The following CCDC171 variants were observed in gnomAD, a reference collection of about 807,000 sequenced individuals.
CCDC171 encodes the protein coiled-coil domain containing 171.
Under a neutral mutation model 168.2 loss-of-function variants are expected in CCDC171, and 177 were observed. That is an observed-to-expected ratio of 1.05 (90% CI 0.93 to 1.19). The LOEUF is 1.19. CCDC171 is among the 50% of genes most tolerant of loss of function. The probability of loss-of-function intolerance (pLI) is 0.00; values close to 1 mark genes in which losing one functional copy is unlikely to be tolerated. For missense variants in CCDC171, 1,991 were observed against 1,539.0 expected (o/e 1.29, Z -4.91); for synonymous variants, 687 against 540.8 (o/e 1.27, Z -3.75).
chr9:15,604,038 A>C (rs760590590), intron 6 of CCDC171, among the ~76,000 whole-genome samples: 1 of 147,886 alleles, frequency 6.8e-6, no homozygotes. Context: ...TGTTGGCTGC[A>C]TGTATGTCTT....
the CCDC171 span, among the ~76,000 whole-genome samples, chr9:16,078,725 C>T: frequency 6.6e-6 from 1 of 152,166 alleles, no homozygotes; most frequent in Admixed American, 6.5e-5. Context: ...AAAAGCTTCA[C>T]CTCTCCGTTC....
intron 18 of CCDC171, among the ~76,000 whole-genome samples, chr9:15,763,621 G>T: frequency 6.6e-6 from 1 of 152,128 alleles, no homozygotes; most frequent in East Asian, 1.9e-4. Flanking sequence ...TGGGAAAATG[G>T]CCAGACTTCT....
At chr9:15,595,369 A>G (rs935068079) in intron 6 of CCDC171, among the ~76,000 whole-genome samples, 4 of 152,080 alleles carry the variant, frequency 2.6e-5, no homozygotes, top group African/African-American at 4.8e-5. Context: ...TCACTGTTCA[A>G]TTCCCACCTA....
At chr9:15,670,673 G>T (rs993733444) in intron 9 of CCDC171, among the ~76,000 whole-genome samples, 2 of 151,806 alleles carry the variant, frequency 1.3e-5, no homozygotes, top group Non-Finnish European at 2.9e-5. Flanking sequence ...ATATTTTTGG[G>T]TTCAGCATAC....
the CCDC171 span, among the ~76,000 whole-genome samples, chr9:16,086,166 C>G: frequency 6.6e-6 from 1 of 152,110 alleles, no homozygotes; most frequent in Non-Finnish European, 1.5e-5. Flanking sequence ...CGACTTCTTC[C>G]TGGTTTAGTC....
intron 7 of CCDC171, among the ~76,000 whole-genome samples, chr9:15,631,493 A>G (rs1162902017): frequency 6.6e-6 from 1 of 152,240 alleles, no homozygotes; most frequent in Non-Finnish European, 1.5e-5. Flanking sequence ...CCTTCTGAAT[A>G]GACCAATAAC....
intron 6 of CCDC171, among the ~76,000 whole-genome samples, chr9:15,597,613 T>G (rs1313038806): frequency 6.6e-6 from 1 of 152,170 alleles, no homozygotes; most frequent in Admixed American, 6.6e-5. Context: ...TCTCTTTTTT[T>G]GTTGTGTCTC....
At chr9:15,707,167 C>T (rs1588073474) in intron 11 of CCDC171, among the ~76,000 whole-genome samples, 1 of 152,196 alleles carries the variant, frequency 6.6e-6, no homozygotes, top group Non-Finnish European at 1.5e-5. Context: ...TCTCTGGCTT[C>T]CCTTATCTCC....
chr9:15,801,173 A>T (rs928620443), intron 21 of CCDC171, among the ~76,000 whole-genome samples: 3 of 151,348 alleles, frequency 2.0e-5, no homozygotes, highest in Non-Finnish European at 4.4e-5. Flanking sequence ...TTTTATAGGG[A>T]TTGCATTGAA....
chr9:15,610,469 A>AAAAAC (rs2043586988), intron 6 of CCDC171, among the ~76,000 whole-genome samples: 1 of 136,272 alleles, frequency 7.3e-6, no homozygotes, highest in Non-Finnish European at 1.6e-5. Flanking sequence ...AAAAAAAAAA[A>AAAAAC]AAAAAAAAAA....
At position 15,623,474 on chromosome 9, in the gene CCDC171, C is replaced by CGCGCGCGCGCGT; in HGVS notation, c.822+63_822+64insGCGCGCGCGTGC. On this transcript the variant is annotated intron_variant, in intron 7 of 25. Coordinates refer to ENST00000380701, the MANE Select transcript of CCDC171 (RefSeq NM_173550.4). ...ACAAACTTTCACATATGCGCGCGCGCGCACACACACACACACACACACACA... is the reference window on the plus strand; with the variant it reads ...ACAAACTTTCACATATGCGCGCGCGCGCGCGCGCGCGTGCACACACACACACACACACACACA... The CGCGCGCGCGCGT allele has an allele frequency of 1.7e-5, 12 of 710,520 alleles. 1 individual carries two copies. Among genetic ancestry groups the CGCGCGCGCGCGT allele is most frequent in the Non-Finnish European group, 1.8e-5 (8 of 445,984 alleles). The allele number at this position is 710,520 out of a possible 1,614,324, so 44.0% of individuals were successfully genotyped here. A position where few individuals can be genotyped will look rare whatever the true frequency, so the allele number is the denominator to read the frequency against.
chr9:15,661,400 C>T (rs1374964247), intron 8 of CCDC171, among the ~76,000 whole-genome samples: 1 of 151,308 alleles, frequency 6.6e-6, no homozygotes, highest in East Asian at 1.9e-4. Context: ...AGTTGTGATA[C>T]ATCCCTGGGA....
At chr9:15,569,473 C>T (rs922468998) in intron 2 of CCDC171, among the ~76,000 whole-genome samples, 3 of 152,166 alleles carry the variant, frequency 2.0e-5, no homozygotes, top group Non-Finnish European at 4.4e-5. Flanking sequence ...TCATTCTGCA[C>T]CTTTTTTTAG....
intron 21 of CCDC171, among the ~76,000 whole-genome samples, chr9:15,831,427 C>G (rs539670741): frequency 6.6e-6 from 1 of 152,318 alleles, no homozygotes; most frequent in South Asian, 2.1e-4. Context: ...ACACACTTGA[C>G]ACTTTCTTAA....
chr9:15,601,385 A>G (rs1026204289), intron 6 of CCDC171, among the ~76,000 whole-genome samples: 4 of 152,204 alleles, frequency 2.6e-5, no homozygotes, highest in African/African-American at 9.6e-5. Flanking sequence ...CAGCTTTTCC[A>G]AACCTTCAGT....
chr9:15,889,847 G>T (rs997635935), intron 24 of CCDC171, among the ~76,000 whole-genome samples: 1 of 152,182 alleles, frequency 6.6e-6, no homozygotes, highest in Non-Finnish European at 1.5e-5. Context: ...AATTACTCTA[G>T]ATAGAGAGAG....
intron 24 of CCDC171, among the ~76,000 whole-genome samples, chr9:15,911,340 T>C (rs1034679961): frequency 2.0e-5 from 3 of 152,236 alleles, no homozygotes; most frequent in African/African-American, 7.2e-5. Context: ...CATATAAATG[T>C]CTTCTTATGA....
intron 14 of CCDC171, 61 bp from the exon 15 acceptor site, chr9:15,727,808 G>A: frequency 7.6e-7 from 1 of 1,313,200 alleles, no homozygotes; most frequent in Non-Finnish European, 1.0e-6. Context: ...TTAGTATTAT[G>A]TATTTTACTT....
intron 11 of CCDC171, among the ~76,000 whole-genome samples, chr9:15,704,835 C>T (rs887278744): frequency 6.6e-6 from 1 of 152,070 alleles, no homozygotes; most frequent in African/African-American, 2.4e-5. Flanking sequence ...ATCAGTGTAA[C>T]AGTTTACACC....
Sources: gnomAD v4.1 joint callset for allele counts (sites outside exome capture counted in the v4.1 genomes callset) on GRCh38, gnomAD v4.1.1 for gene constraint, MANE v1.5 for transcripts, NCBI Gene and HGNC (gene_info 2026-07-23, HGNC 2026-07-21) for gene names.